Variants in RAPGEF2 observed in about 807,000 individuals in gnomAD.
RAPGEF2 encodes the protein PDZ domain containing guanine nucleotide exchange factor (GEF) 1.
A neutral mutation model predicts 186.7 loss-of-function variants in RAPGEF2; 54 were observed. The observed-to-expected ratio is 0.29, with a 90% CI of 0.23 to 0.36. The LOEUF (loss-of-function observed/expected upper bound fraction) is 0.36, where lower values mean the gene tolerates loss of function less well. Among genes scored for constraint, RAPGEF2 ranks in the 10% least tolerant of loss-of-function variants. The probability of loss-of-function intolerance (pLI) is 1.00; values close to 1 mark genes in which losing one functional copy is unlikely to be tolerated. For missense variants in RAPGEF2, 1,532 were observed against 2,045.0 expected, an observed-to-expected ratio of 0.75 and a Z score of 4.84; for synonymous variants, 712 against 705.9, an observed-to-expected ratio of 1.01 and a Z score of -0.14.
At chr4:159,314,491 A>G (rs1764312182) in intron 8 of RAPGEF2, 100 bp from the exon 9 acceptor site, 1 of 1,087,530 alleles carries the variant, frequency 9.2e-7, no homozygotes, top group Admixed American at 3.3e-5. Context: ...AAAAATAAAT[A>G]TAACAAGCAT....
intron 7 of RAPGEF2, among the ~76,000 whole-genome samples, chr4:159,293,286 A>G (rs528726714): frequency 1.7e-4 from 26 of 152,090 alleles, no homozygotes; most frequent in Non-Finnish European, 3.1e-4. Context: ...GTTTCTTTTC[A>G]TCTTTGCTGG....
At chr4:159,130,745 C>G (rs546809726) in intron 1 of RAPGEF2, among the ~76,000 whole-genome samples, 1 of 152,202 alleles carries the variant, frequency 6.6e-6, no homozygotes, top group South Asian at 2.1e-4. Context: ...GGATGTTGCT[C>G]TGTTGCCTAG....
intron 7 of RAPGEF2, among the ~76,000 whole-genome samples, chr4:159,286,240 A>G (rs541716916): frequency 3.0e-4 from 46 of 152,218 alleles, no homozygotes; most frequent in African/African-American, 1.1e-3. Flanking sequence ...AAACCTCTGT[A>G]TCCTTCAGCA....
chr4:159,228,652 T>C (rs1752290308), intron 4 of RAPGEF2, among the ~76,000 whole-genome samples: 1 of 152,144 alleles, frequency 6.6e-6, no homozygotes, highest in Admixed American at 6.5e-5. Flanking sequence ...GTGTATTCAG[T>C]TTTCCCAATA....
At chr4:159,114,441 A>G (rs192029454) in intron 1 of RAPGEF2, among the ~76,000 whole-genome samples, 3 of 151,864 alleles carry the variant, frequency 2.0e-5, no homozygotes, top group Non-Finnish European at 2.9e-5. Context: ...CTTGCTATTT[A>G]GCCCAGGCTG....
chr4:159,321,316 C>T (rs1025606033), intron 9 of RAPGEF2, among the ~76,000 whole-genome samples: 4 of 152,032 alleles, frequency 2.6e-5, no homozygotes, highest in South Asian at 2.1e-4. Context: ...AAGCAATCCT[C>T]CCACCTCAGC....
At chr4:159,297,141 T>C (rs1285154463) in intron 7 of RAPGEF2, among the ~76,000 whole-genome samples, 4 of 152,166 alleles carry the variant, frequency 2.6e-5, no homozygotes, top group Non-Finnish European at 5.9e-5. Context: ...GAAATACTCA[T>C]TATATAAGCC....
chr4:159,219,507 C>T (rs1044183174), intron 4 of RAPGEF2, among the ~76,000 whole-genome samples: 1 of 151,878 alleles, frequency 6.6e-6, no homozygotes, highest in Non-Finnish European at 1.5e-5. Flanking sequence ...AGGCACCCGC[C>T]ACCACGTCCG....
chr4:159,163,555 A>C (rs1343508676), intron 1 of RAPGEF2, among the ~76,000 whole-genome samples: 1 of 152,264 alleles, frequency 6.6e-6, no homozygotes, highest in Non-Finnish European at 1.5e-5. Flanking sequence ...GCTTATGTGC[A>C]AAAATAAAAG....
intron 7 of RAPGEF2, among the ~76,000 whole-genome samples, chr4:159,294,954 A>G (rs1341627386): frequency 1.3e-5 from 2 of 152,108 alleles, no homozygotes; most frequent in Non-Finnish European, 2.9e-5. Flanking sequence ...CGGCCTCCCA[A>G]AGTGCTGGGA....
At chr4:159,341,377 G>C (rs975280756) in intron 19 of RAPGEF2, among the ~76,000 whole-genome samples, 187 bp from the exon 20 acceptor site, 11 of 152,204 alleles carry the variant, frequency 7.2e-5, no homozygotes, top group Admixed American at 2.6e-4. Flanking sequence ...CCTACTTCTG[G>C]ATAGACAGTT....
rs765309219 is a variant in RAPGEF2, at chr4:159,323,468, T to C, written c.1000T>C (p.Trp334Arg). Residue 334 changes from tryptophan to arginine, a missense_variant, in exon 11 of 30, where the codon TGG (tryptophan) becomes CGG (arginine). Transcript: ENST00000691494. ...VLNDGEELDS[W>R]SVILNGSVEV... is the part of the protein sequence containing the mutation. Reference sequence around the variant, plus strand: ...TATTTTTTTGGATTAGCTGGACTCCTGGTCAGTGATTCTCAATGGATCTGT... The same window carrying C: ...TATTTTTTTGGATTAGCTGGACTCCCGGTCAGTGATTCTCAATGGATCTGT... 6.2e-7 allele frequency: 1 copy of C among 1,601,976 alleles called. No homozygotes were observed. Among genetic ancestry groups the C allele is most frequent in the Non-Finnish European group, 8.5e-7 (1 of 1,174,610 alleles).
At chr4:159,201,943 C>G (rs1749459766) in intron 3 of RAPGEF2, among the ~76,000 whole-genome samples, 1 of 152,100 alleles carries the variant, frequency 6.6e-6, no homozygotes, top group Non-Finnish European at 1.5e-5. Context: ...GTCTCCTTTT[C>G]TCCAGATGCC....
At chr4:159,301,311 A>C (rs1762642778) in intron 7 of RAPGEF2, among the ~76,000 whole-genome samples, 1 of 152,146 alleles carries the variant, frequency 6.6e-6, no homozygotes, top group Non-Finnish European at 1.5e-5. Context: ...TGGAAGTTGC[A>C]GTGAGCTGAG....
intron 28 of RAPGEF2, 45 bp from the exon 29 acceptor site, chr4:159,355,808 T>A: frequency 6.9e-7 from 1 of 1,442,594 alleles, no homozygotes; most frequent in Non-Finnish European, 9.4e-7. Flanking sequence ...TAAACTTTTG[T>A]GGCATGAACT....
chr4:159,201,317 A>T (rs1208057737), intron 3 of RAPGEF2, among the ~76,000 whole-genome samples: 1 of 152,190 alleles, frequency 6.6e-6, no homozygotes. Context: ...CCATCTGTCT[A>T]TTGGAAGGTG....
chr4:159,239,540 ATT>A (rs1753705647), intron 5 of RAPGEF2, among the ~76,000 whole-genome samples: 1 of 152,204 alleles, frequency 6.6e-6, no homozygotes, highest in African/African-American at 2.4e-5. Context: ...TGTGACAAAA[ATT>A]TATAAACAGA....
At chr4:159,167,925 ATTT>A (rs1463654170) in intron 1 of RAPGEF2, among the ~76,000 whole-genome samples, 1 of 152,182 alleles carries the variant, frequency 6.6e-6, no homozygotes, top group African/African-American at 2.4e-5. Flanking sequence ...GTTGTCTTTG[ATTT>A]ACTAACATTT....
At chr4:159,330,625 G>T (rs1766556106) in intron 13 of RAPGEF2, 127 bp downstream of exon 13, 1 of 625,836 alleles carries the variant, frequency 1.6e-6, no homozygotes, top group Non-Finnish European at 2.5e-6. Context: ...TAATTCTGAA[G>T]CAAAAAAAAA....
Sources: allele counts gnomAD v4.1 joint callset (sites outside exome capture counted in the v4.1 genomes callset), GRCh38; gene constraint gnomAD v4.1.1; transcripts MANE v1.5; gene names NCBI Gene and HGNC (gene_info 2026-07-23, HGNC 2026-07-21).